The following ITGB3BP variants were observed in gnomAD, a reference collection of about 807,000 sequenced individuals.
ITGB3BP encodes integrin subunit beta 3 binding protein.
Under a neutral mutation model 29.1 loss-of-function variants are expected in ITGB3BP, and 27 were observed. That is an observed-to-expected ratio of 0.93 (90% CI 0.68 to 1.28). The LOEUF (loss-of-function observed/expected upper bound fraction) is 1.28, where lower values mean the gene tolerates loss of function less well. Ranked by LOEUF, ITGB3BP falls within the 50% of genes most tolerant of loss-of-function variation. The probability of loss-of-function intolerance (pLI) is 0.00; values close to 1 mark genes in which losing one functional copy is unlikely to be tolerated. For missense variants in ITGB3BP, 192 were observed against 200.2 expected (o/e 0.96, Z 0.25); for synonymous variants, 61 against 61.4 (o/e 0.99, Z 0.03).
chr1:63,495,718 C>T (rs1000604529), intron 2 of ITGB3BP, among the ~76,000 whole-genome samples: 7 of 152,152 alleles, frequency 4.6e-5, no homozygotes, highest in African/African-American at 1.7e-4. Context: ...CCATGCTATT[C>T]AAGCAAAAAA....
chr1:63,479,509 T>C (rs1392801139), intron 3 of ITGB3BP, among the ~76,000 whole-genome samples: 1 of 152,178 alleles, frequency 6.6e-6, no homozygotes, highest in African/African-American at 2.4e-5. Flanking sequence ...TATGTTGTTA[T>C]TAATTACAGT....
In ITGB3BP at chr1:63,460,544, G is replaced by T. The variant is rs185647444; in HGVS notation, c.255-5576C>A. Among the ~76,000 whole-genome samples, 6 of 152,178 alleles carry T rather than the reference G, an allele frequency of 3.9e-5. No individual in the cohort carries two copies. The East Asian group carries it at 1.2e-3, about 29-fold the overall frequency. ...CATACCACACTTTATCCATTCATTTGCTGATGAACATTTGGGTTGTTTCCT... is the reference window on the plus strand; with the variant it reads ...CATACCACACTTTATCCATTCATTTTCTGATGAACATTTGGGTTGTTTCCT... On this transcript the variant is annotated intron_variant, in intron 4 of 8. Transcript: ENST00000271002.
chr1:63,516,745 GAA>G (rs556574637), intron 1 of ITGB3BP, among the ~76,000 whole-genome samples: 1 of 147,656 alleles, frequency 6.8e-6, no homozygotes, highest in Non-Finnish European at 1.5e-5. Context: ...GAAAAAAAAA[GAA>G]AAGCAAATAC....
At position 63,508,966 on chromosome 1, in the gene ITGB3BP, G is replaced by T. The variant is rs1280048493; in HGVS notation, c.6-396C>A. On this transcript the variant is annotated intron_variant, in intron 1 of 8. Transcript: ENST00000271002. Reference sequence around the variant, plus strand: ...TAATTTATACACTTTCAGTGGAGATGTTGAAAGTACAGTACAGAAACAGTG... The same window carrying T: ...TAATTTATACACTTTCAGTGGAGATTTTGAAAGTACAGTACAGAAACAGTG... 2.6e-5 allele frequency among the ~76,000 whole-genome samples: 4 copies of T among 152,180 alleles called. No individual in the cohort carries two copies. In the East Asian group the frequency reaches 7.7e-4, roughly 29 times the overall value.
intron 4 of ITGB3BP, among the ~76,000 whole-genome samples, chr1:63,463,474 G>A (rs1289250985): frequency 6.6e-6 from 1 of 152,146 alleles, no homozygotes; most frequent in Non-Finnish European, 1.5e-5. Context: ...TTGTACTACA[G>A]TTTTGTAAGA....
chr1:63,485,055 ATTTGC>A (rs1403528293), intron 3 of ITGB3BP, among the ~76,000 whole-genome samples: 2 of 151,852 alleles, frequency 1.3e-5, no homozygotes, highest in East Asian at 1.9e-4. Flanking sequence ...AAAAGCTAGT[ATTTGC>A]TTTGTTTTCT....
chr1:63,493,580 G>A (rs897491570), intron 2 of ITGB3BP, among the ~76,000 whole-genome samples: 3 of 151,722 alleles, frequency 2.0e-5, no homozygotes, highest in African/African-American at 7.3e-5. Flanking sequence ...TTATAAGGAG[G>A]TCTAATCTTG....
chr1:63,448,600 TTATC>T (rs1456314392), intron 7 of ITGB3BP, among the ~76,000 whole-genome samples: 1 of 152,150 alleles, frequency 6.6e-6, no homozygotes, highest in Non-Finnish European at 1.5e-5. Flanking sequence ...CTTAGATAAT[TTATC>T]TAACTCTTTT....
intron 3 of ITGB3BP, 87 bp from the exon 4 acceptor site, chr1:63,478,920 T>C (rs1450127883): frequency 2.1e-6 from 1 of 486,382 alleles, no homozygotes; most frequent in East Asian, 3.5e-5. Context: ...AAATTTTAAA[T>C]AGAAAGTAAA....
intron 2 of ITGB3BP, among the ~76,000 whole-genome samples, chr1:63,504,175 C>T (rs888461584): frequency 6.6e-6 from 1 of 151,804 alleles, no homozygotes; most frequent in African/African-American, 2.4e-5. Flanking sequence ...TCTTTGTATC[C>T]TCTTTTATTT....
rs375198665 is a variant in ITGB3BP at position 63,523,113 on chromosome 1, G to A, written c.5+16C>T. 61 of 1,613,996 alleles carry A rather than the reference G, an allele frequency of 3.8e-5. No homozygotes were observed. The highest frequency in any genetic ancestry group is 4.7e-5 in the Non-Finnish European group (55 of 1,180,002). On this transcript the variant is annotated intron_variant, in intron 1 of 8. Coordinates refer to ENST00000271002, the MANE Select transcript of ITGB3BP (RefSeq NM_014288.5). ...AGGGCCCCCAAAACAGCAATACCTG[G>A]GGAGGAGATACCTACGGCATTCTGA...
intron 1 of ITGB3BP, among the ~76,000 whole-genome samples, chr1:63,517,046 T>C (rs1270842363): frequency 6.6e-6 from 1 of 151,294 alleles, no homozygotes; most frequent in African/African-American, 2.4e-5. Flanking sequence ...AAAAAGAAAG[T>C]ACAAAGAAGG....
chr1:63,523,432 GTC>G (rs759187053), upstream of ITGB3BP: 1 of 489,174 alleles, frequency 2.0e-6, no homozygotes, highest in Non-Finnish European at 3.7e-6. Flanking sequence ...CAACACAGCT[GTC>G]TCTGTGCGCT....
At chr1:63,525,572 A>C, upstream of ITGB3BP, 1 of 1,488,070 alleles carries the variant, frequency 6.7e-7, no homozygotes, top group Non-Finnish European at 8.9e-7. Context: ...TTTCCAATAG[A>C]ATGGCGATCA....
chr1:63,490,478 G>T (rs72679056), intron 2 of ITGB3BP, among the ~76,000 whole-genome samples: 3,097 of 152,174 alleles, frequency 0.02, 44 homozygotes, highest in Middle Eastern at 0.051. Flanking sequence ...TTCTGAGATG[G>T]TATTTCCAAA....
chr1:63,468,632 C>A (rs997994189), intron 4 of ITGB3BP, among the ~76,000 whole-genome samples: 2 of 151,282 alleles, frequency 1.3e-5, no homozygotes, highest in Admixed American at 6.6e-5. Flanking sequence ...GAGGCCGAGG[C>A]GGGCGGACCA....
intron 3 of ITGB3BP, among the ~76,000 whole-genome samples, chr1:63,488,911 A>C (rs1645585763): frequency 6.6e-6 from 1 of 152,066 alleles, no homozygotes; most frequent in Non-Finnish European, 1.5e-5. Flanking sequence ...TCATGTGACC[A>C]ATCTTTTTAT....
chr1:63,467,357 T>A (rs79335127), intron 4 of ITGB3BP, among the ~76,000 whole-genome samples: 1,892 of 152,036 alleles, frequency 0.012, 32 homozygotes, highest in African/African-American at 0.043. Context: ...GGGTTTTTTT[T>A]TTCTTTTTTT....
At chr1:63,443,771 C>T (rs975412791) in intron 8 of ITGB3BP, among the ~76,000 whole-genome samples, 4 of 151,830 alleles carry the variant, frequency 2.6e-5, no homozygotes, top group South Asian at 2.1e-4. Flanking sequence ...AATCTGGCAG[C>T]GTTTGGATGT....
Sources: allele counts gnomAD v4.1 joint callset (sites outside exome capture counted in the v4.1 genomes callset), GRCh38; gene constraint gnomAD v4.1.1; transcripts MANE v1.5; gene names NCBI Gene and HGNC (gene_info 2026-07-23, HGNC 2026-07-21).